JMJD1C: variants seen among roughly 807,000 people sequenced by gnomAD.
JMJD1C encodes the protein jumonji domain containing 1C.
In JMJD1C, 31 loss-of-function variants were observed where a neutral mutation model predicts 245.3. The ratio of observed to expected loss-of-function variants is 0.13; its 90% confidence interval spans 0.09 to 0.17. The LOEUF is 0.17. Ranked by LOEUF, JMJD1C falls within the 10% of genes least tolerant of loss-of-function variation. The pLI, the probability that JMJD1C is intolerant of heterozygous loss-of-function variation, is 1.00. For missense variants in JMJD1C, 2,691 were observed against 3,000.2 expected (o/e 0.90, Z 2.41); for synonymous variants, 1,057 against 1,017.4 (o/e 1.04, Z -0.74).
intron 1 of JMJD1C, among the ~76,000 whole-genome samples, chr10:63,433,152 C>T (rs1038309806): frequency 4.6e-5 from 7 of 151,480 alleles, no homozygotes; most frequent in African/African-American, 1.5e-4. Context: ...AGTGCAATGC[C>T]GCGATCTGGG....
At position 63,197,287 on chromosome 10, in the gene JMJD1C, G is replaced by GA. The variant is rs558007904; in HGVS notation, c.5644+123dup. 2.1e-4 allele frequency: 174 copies of GA among 813,882 alleles called. No homozygotes were observed. The East Asian group carries it at 2.6e-3, about 12-fold the overall frequency. 50.4% of individuals were successfully genotyped at this position (813,882 alleles called of 1,614,324 possible). A position where few individuals can be genotyped will look rare whatever the true frequency, so the allele number is the denominator to read the frequency against. Reference sequence around the variant, plus strand: ...TTACTTCTCCTCTTAAAAACAAACTGAAAAAAAATACTTAATACATTAATA... The same window carrying GA: ...TTACTTCTCCTCTTAAAAACAAACTGAAAAAAAAATACTTAATACATTAATA... On this transcript the variant is annotated intron_variant, in intron 13 of 25. Transcript: ENST00000399262.
chr10:63,437,681 TCTA>T lies in JMJD1C; in HGVS notation c.168+27811_168+27813del, dbSNP rs552554648. On this transcript the variant is annotated intron_variant, in intron 1 of 25. Transcript: ENST00000399262. The stretch of plus-strand genomic sequence containing the variant: ...CCTTGTCAATAATCTCTGTCTCCAA[TCTA>T]CTACCTCCAGTTCTCTAGTAAACTC... Among the ~76,000 whole-genome samples, 487 of 152,318 alleles carry T rather than the reference TCTA, an allele frequency of 3.2e-3. 11 individuals are homozygous for T. Among genetic ancestry groups the T allele is most frequent in the Admixed American group, 0.028 (431 of 15,292 alleles).
At chr10:63,382,790 G>A (rs1454384857) in intron 1 of JMJD1C, 3 of 455,398 alleles carry the variant, frequency 6.6e-6, no homozygotes, top group Non-Finnish European at 1.3e-5. Context: ...CCCATCTTCT[G>A]CTCCCTTACA....
At position 63,199,584 on chromosome 10, in the gene JMJD1C, C is replaced by G. The variant is rs184784202; in HGVS notation, c.5277-857G>C. Among the ~76,000 whole-genome samples the G allele has an allele frequency of 2.9e-3, 445 of 152,220 alleles. 2 individuals are homozygous for G. The highest frequency in any genetic ancestry group is 4.4e-3 in the Non-Finnish European group (299 of 67,974). ...TCTTTGCCTGAACATTTCTTTCCTTCAGACTTTTCCTAGATTTTCTTATGC... is the reference window on the plus strand; with the variant it reads ...TCTTTGCCTGAACATTTCTTTCCTTGAGACTTTTCCTAGATTTTCTTATGC... On this transcript the variant is annotated intron_variant, in intron 11 of 25. Coordinates refer to ENST00000399262, the MANE Select transcript of JMJD1C (RefSeq NM_032776.3).
At chr10:63,385,097 T>C (rs1947483606) in intron 1 of JMJD1C, among the ~76,000 whole-genome samples, 1 of 152,096 alleles carries the variant, frequency 6.6e-6, no homozygotes, top group South Asian at 2.1e-4. Flanking sequence ...GTCCGGAGGT[T>C]CAAGAAGAGG....
intron 2 of JMJD1C, among the ~76,000 whole-genome samples, chr10:63,315,359 A>G (rs968369941): frequency 7.9e-5 from 12 of 152,148 alleles, no homozygotes; most frequent in African/African-American, 2.9e-4. Context: ...GTAAGTAAGA[A>G]CATGCAGTAT....
At chr10:63,229,137 C>G (rs7477638) in intron 3 of JMJD1C, among the ~76,000 whole-genome samples, 188 of 151,902 alleles carry the variant, frequency 1.2e-3, no homozygotes, top group East Asian at 4.6e-3. Context: ...GTGTGTGTGT[C>G]TGAGTACATA....
chr10:63,312,963 A>G (rs892907490), intron 2 of JMJD1C, among the ~76,000 whole-genome samples: 3 of 151,842 alleles, frequency 2.0e-5, no homozygotes, highest in African/African-American at 7.3e-5. Context: ...TTTTTTTTCC[A>G]TAGGTTTTTG....
intron 12 of JMJD1C, among the ~76,000 whole-genome samples, chr10:63,197,847 C>T (rs1845616668): frequency 6.6e-6 from 1 of 152,180 alleles, no homozygotes; most frequent in African/African-American, 2.4e-5. Context: ...GGAGGGATTA[C>T]TCTGTGCATT....
intron 2 of JMJD1C, among the ~76,000 whole-genome samples, chr10:63,338,579 C>A (rs1290075743): frequency 6.6e-6 from 1 of 151,388 alleles, no homozygotes; most frequent in Non-Finnish European, 1.5e-5. Context: ...ACTACACATG[C>A]TACATTAGCC....
chr10:63,296,011 A>AT (rs770550531), intron 2 of JMJD1C, among the ~76,000 whole-genome samples: 1 of 12,780 alleles, frequency 7.8e-5, no homozygotes, highest in Admixed American at 3.7e-4. Flanking sequence ...GTGTATATAT[A>AT]TATTTTTTTT....
At chr10:63,258,544 T>C (rs1854279704) in intron 3 of JMJD1C, among the ~76,000 whole-genome samples, 1 of 152,138 alleles carries the variant, frequency 6.6e-6, no homozygotes, top group Non-Finnish European at 1.5e-5. Context: ...CATTCTACTG[T>C]CCCCTAAAAT....
intron 1 of JMJD1C, among the ~76,000 whole-genome samples, chr10:63,484,538 T>C (rs937596938): frequency 3.9e-5 from 6 of 152,058 alleles, no homozygotes; most frequent in African/African-American, 9.7e-5. Flanking sequence ...ATAGGATAAT[T>C]TGTAGCTGAA....
intron 1 of JMJD1C, among the ~76,000 whole-genome samples, chr10:63,513,676 G>A (rs1349766612): frequency 1.3e-5 from 2 of 152,152 alleles, no homozygotes; most frequent in Admixed American, 1.3e-4. Context: ...ACTTTGGGAG[G>A]CCGAGACAGG....
intron 5 of JMJD1C, among the ~76,000 whole-genome samples, chr10:63,215,934 ACATCT>A (rs971732402): frequency 6.6e-6 from 1 of 152,230 alleles, no homozygotes; most frequent in African/African-American, 2.4e-5. Context: ...TACTGCAAGT[ACATCT>A]TGAAAAACAA....
intron 3 of JMJD1C, chr10:63,222,712 G>A (rs555616663): frequency 1.3e-6 from 2 of 1,537,820 alleles, no homozygotes; most frequent in Non-Finnish European, 9.0e-7. Context: ...CAGCTGCTTT[G>A]ATTGACTTGG....
chr10:63,318,699 A>G (rs186377354), intron 2 of JMJD1C, among the ~76,000 whole-genome samples: 1 of 152,206 alleles, frequency 6.6e-6, no homozygotes, highest in East Asian at 1.9e-4. Context: ...TTTCTTTGGC[A>G]TAGATAATTT....
At chr10:63,252,292 A>G (rs2133638908) in intron 3 of JMJD1C, among the ~76,000 whole-genome samples, 1 of 152,332 alleles carries the variant, frequency 6.6e-6, no homozygotes, top group African/African-American at 2.4e-5. Context: ...TGGTCTGGTC[A>G]AACATCATTC....
At chr10:63,229,373 C>T (rs1849693204) in intron 3 of JMJD1C, among the ~76,000 whole-genome samples, 1 of 151,856 alleles carries the variant, frequency 6.6e-6, no homozygotes, top group Non-Finnish European at 1.5e-5. Flanking sequence ...CTACTCTGGG[C>T]ACACTGCCTA....
Sources: gnomAD v4.1 joint callset for allele counts (sites outside exome capture counted in the v4.1 genomes callset) on GRCh38, gnomAD v4.1.1 for gene constraint, MANE v1.5 for transcripts, NCBI Gene and HGNC (gene_info 2026-07-23, HGNC 2026-07-21) for gene names.